The following ANKFN1 variants were observed in gnomAD, a reference collection of about 807,000 sequenced individuals.
ANKFN1 encodes the protein ankyrin repeat and fibronectin type-III domain-containing protein 1.
Under a neutral mutation model 108.7 loss-of-function variants are expected in ANKFN1, and 74 were observed. That is an observed-to-expected ratio of 0.68 (90% CI 0.56 to 0.83). The LOEUF is 0.83. Ranked by LOEUF, ANKFN1 falls within the 40% of genes least tolerant of loss-of-function variation. The probability of loss-of-function intolerance (pLI) is 0.00; values close to 1 mark genes in which losing one functional copy is unlikely to be tolerated. For synonymous variants in ANKFN1, 547 were observed against 516.2 expected (o/e 1.06, Z -0.81); for missense variants, 1,505 against 1,382.3 (o/e 1.09, Z -1.41).
chr17:56,046,868 G>A (rs1904686681), intron 4 of ANKFN1, among the ~76,000 whole-genome samples: 2 of 152,256 alleles, frequency 1.3e-5, no homozygotes, highest in South Asian at 2.1e-4. Context: ...ACACAGTCTG[G>A]GCACGGAAAA....
At chr17:56,253,920 T>C (rs1418668832) in intron 3 of ANKFN1, among the ~76,000 whole-genome samples, 1 of 152,188 alleles carries the variant, frequency 6.6e-6, no homozygotes, top group Non-Finnish European at 1.5e-5. Context: ...TTTACATATG[T>C]ATCTTCATAT....
Position 56,325,440 on chromosome 17 carries a change from T to C in ANKFN1, c.54-781T>C, listed in dbSNP as rs116250285. 5.8e-3 allele frequency among the ~76,000 whole-genome samples: 877 copies of C among 152,328 alleles called. 6 individuals are homozygous for C. Among genetic ancestry groups the C allele is most frequent in the African/African-American group, 0.018 (735 of 41,574 alleles). On this transcript the variant is annotated intron_variant, in intron 3 of 20. Coordinates refer to ENST00000682825, the MANE Select transcript of ANKFN1 (RefSeq NM_001370326.1). ...CAGCTTTCTAGGAAATCTATTTGTG[T>C]CTTTCATTAGTCATGTAAAGCACAA...
Position 56,202,139 on chromosome 17 carries a change from T to C in ANKFN1, c.-70-10459T>C, listed in dbSNP as rs143222209. On this transcript the variant is annotated intron_variant, in intron 1 of 20. Coordinates refer to ENST00000682825, the MANE Select transcript of ANKFN1 (RefSeq NM_001370326.1). ...GCCTGGGAAGCGATTACACTTGATA[T>C]ACAACAGAGCAGCGGGAGAGTTGGA... 8.0e-3 allele frequency among the ~76,000 whole-genome samples: 1,221 copies of C among 152,308 alleles called. 20 individuals are homozygous for C. The highest frequency in any genetic ancestry group is 0.028 in the African/African-American group (1,169 of 41,556).
intron 15 of ANKFN1, chr17:56,472,579 A>G (rs760094563): frequency 2.0e-5 from 3 of 152,230 alleles, no homozygotes; most frequent in South Asian, 2.1e-4. Context: ...TTCAGTGTCA[A>G]CTAGGTACCA....
At chr17:56,200,594 C>T (rs1019556626) in intron 1 of ANKFN1, among the ~76,000 whole-genome samples, 2 of 152,214 alleles carry the variant, frequency 1.3e-5, no homozygotes, top group Non-Finnish European at 2.9e-5. Flanking sequence ...CTCCCTCTTG[C>T]CCTTCGGAGT....
At chr17:56,057,403 A>G (rs560827227) in intron 4 of ANKFN1, among the ~76,000 whole-genome samples, 2 of 152,296 alleles carry the variant, frequency 1.3e-5, no homozygotes, top group African/African-American at 4.8e-5. Context: ...GCAGCGATAT[A>G]CTTAAGAAGT....
At chr17:56,223,725 G>A (rs954024088) in intron 2 of ANKFN1, among the ~76,000 whole-genome samples, 3 of 152,140 alleles carry the variant, frequency 2.0e-5, no homozygotes, top group African/African-American at 7.2e-5. Flanking sequence ...AAGAGGTCAT[G>A]TCCCCCGATT....
intron 3 of ANKFN1, among the ~76,000 whole-genome samples, chr17:56,281,402 T>G (rs998819254): frequency 2.0e-5 from 3 of 152,264 alleles, no homozygotes; most frequent in Admixed American, 1.3e-4. Context: ...CAAAAATTAA[T>G]TTTATATGGA....
intron 4 of ANKFN1, among the ~76,000 whole-genome samples, chr17:56,072,906 C>A (rs1260290668): frequency 1.3e-5 from 2 of 152,166 alleles, no homozygotes; most frequent in Non-Finnish European, 2.9e-5. Flanking sequence ...GTATCCTGGC[C>A]AGGACCAAGA....
chr17:56,355,021 GT>G (rs763499563), intron 6 of ANKFN1, among the ~76,000 whole-genome samples: 2 of 152,094 alleles, frequency 1.3e-5, no homozygotes, highest in Non-Finnish European at 2.9e-5. Context: ...AATGTCTGGT[GT>G]TTACTGTACA....
Position 56,130,500 on chromosome 17 carries a change from G to A in ANKFN1, c.288+84175G>A, listed in dbSNP as rs553657419. Among the ~76,000 whole-genome samples the A allele has an allele frequency of 5.9e-5, 9 of 152,010 alleles. No individual in the cohort carries two copies. The South Asian group carries it at 6.2e-4, about 11-fold the overall frequency. On this transcript the variant is annotated intron_variant, in intron 4 of 12. Transcript: ENST00000635860. The stretch of plus-strand genomic sequence containing the variant: ...GTTTTTAACTGTTTATGTGGGGTCC[G>A]GATCATGGTATCACTCAAAATCGCT...
At position 56,391,366 on chromosome 17, in the gene ANKFN1, ATATG is replaced by A. The variant is rs1255487006; in HGVS notation, c.910+16654_910+16657del. ...CTTGAAGGCCCAAGAATACATATAT[ATATG>A]TGTGTGTGTGTGTGTGTGTGTGTGT... On this transcript the variant is annotated intron_variant, in intron 8 of 20. Coordinates refer to ENST00000682825, the MANE Select transcript of ANKFN1 (RefSeq NM_001370326.1). Among the ~76,000 whole-genome samples the A allele has an allele frequency of 1.7e-3, 135 of 77,518 alleles. 2 individuals carry two copies. The highest frequency in any genetic ancestry group is 7.2e-3 in the African/African-American group (113 of 15,652). The allele number at this position is 77,518 out of a possible 152,430, so 50.9% of individuals were successfully genotyped here.
At chr17:56,219,637 G>T (rs1328213779) in intron 2 of ANKFN1, among the ~76,000 whole-genome samples, 1 of 152,190 alleles carries the variant, frequency 6.6e-6, no homozygotes, top group East Asian at 1.9e-4. Flanking sequence ...ATGTTTAAGT[G>T]AATTTCTTAG....
In ANKFN1 at chr17:56,512,505, CATT is replaced by C. The variant is rs2051806259; in HGVS notation, c.*1238_*1240del. ...ACATCTGGAAATCTTGCTTTGGTCT[CATT>C]ACCTCCTATCTGAATTTCTCACAGG... On this transcript the variant is annotated 3_prime_UTR_variant, in exon 21 of 21. Transcript: ENST00000682825. Among the ~76,000 whole-genome samples, 1 of 152,214 alleles carries C rather than the reference CATT, an allele frequency of 6.6e-6. No individual in the cohort carries two copies. The highest frequency in any genetic ancestry group is 2.4e-5 in the African/African-American group (1 of 41,464).
intron 8 of ANKFN1, among the ~76,000 whole-genome samples, chr17:56,379,112 G>T (rs546170576): frequency 6.6e-6 from 1 of 152,172 alleles, no homozygotes; most frequent in Admixed American, 6.5e-5. Flanking sequence ...ACATATAAAA[G>T]GTCAGGCCGG....
At chr17:56,214,345 T>G (rs1180471721) in intron 2 of ANKFN1, among the ~76,000 whole-genome samples, 1 of 152,178 alleles carries the variant, frequency 6.6e-6, no homozygotes, top group Non-Finnish European at 1.5e-5. Flanking sequence ...GTGGAGGACA[T>G]CAAGAAAAGC....
At chr17:56,266,101 G>T (rs2043643457) in intron 3 of ANKFN1, among the ~76,000 whole-genome samples, 2 of 152,164 alleles carry the variant, frequency 1.3e-5, no homozygotes. Context: ...ACATTTTTCA[G>T]TAGTGCTTGA....
chr17:56,418,575 C>T (rs554303100), intron 8 of ANKFN1, among the ~76,000 whole-genome samples: 4 of 151,664 alleles, frequency 2.6e-5, no homozygotes, highest in Middle Eastern at 3.4e-3. Flanking sequence ...AATATATATG[C>T]GATAATAATA....
intron 4 of ANKFN1, among the ~76,000 whole-genome samples, chr17:56,108,678 A>G (rs958843046): frequency 5.9e-5 from 9 of 152,252 alleles, no homozygotes; most frequent in Non-Finnish European, 1.3e-4. Flanking sequence ...GCAAATGAAC[A>G]ACAACTAACA....
Sources: gnomAD v4.1 joint callset for allele counts (sites outside exome capture counted in the v4.1 genomes callset) on GRCh38, gnomAD v4.1.1 for gene constraint, MANE v1.5 for transcripts, NCBI Gene and HGNC (gene_info 2026-07-23, HGNC 2026-07-21) for gene names.